INO80D: variants seen among roughly 807,000 people sequenced by gnomAD.
The protein encoded by INO80D is INO80 complex subunit D.
In INO80D, 21 loss-of-function variants were observed where a neutral mutation model predicts 87.6. The ratio of observed to expected loss-of-function variants is 0.24; its 90% CI spans 0.17 to 0.35. INO80D has a LOEUF of 0.35. Among genes scored for constraint, INO80D ranks in the 10% least tolerant of loss-of-function variants. The pLI is 1.00. For missense variants in INO80D, 982 were observed against 1,280.7 expected, an observed-to-expected ratio of 0.77 and a Z score of 3.56; for synonymous variants, 440 against 491.0, an observed-to-expected ratio of 0.90 and a Z score of 1.37.
At chr2:206,050,924 C>G (rs818004) in intron 4 of INO80D, among the ~76,000 whole-genome samples, 105,079 of 151,612 alleles carry the variant, frequency 0.69, 36,989 homozygotes, top group South Asian at 0.8. Flanking sequence ...AGCCGAGATC[C>G]CGCCACTGCA....
chr2:206,047,457 G>A (rs1689226969), intron 4 of INO80D, among the ~76,000 whole-genome samples: 1 of 151,918 alleles, frequency 6.6e-6, no homozygotes, highest in African/African-American at 2.4e-5. Context: ...GACCTTAAGT[G>A]ATCCACCTGC....
intron 5 of INO80D, among the ~76,000 whole-genome samples, chr2:206,032,413 T>A (rs1688793078): frequency 6.6e-6 from 1 of 152,154 alleles, no homozygotes; most frequent in Admixed American, 6.5e-5. Flanking sequence ...ACTGCCGGAT[T>A]TCCCCCACTT....
At chr2:206,018,545 C>A (rs1273416855) in intron 7 of INO80D, among the ~76,000 whole-genome samples, 3 of 152,126 alleles carry the variant, frequency 2.0e-5, no homozygotes, top group Non-Finnish European at 4.4e-5. Flanking sequence ...AGAAACTCAT[C>A]TTTCCAAATT....
chr2:206,036,805 A>AG (rs1688907354), intron 5 of INO80D, among the ~76,000 whole-genome samples: 1 of 152,226 alleles, frequency 6.6e-6, no homozygotes, highest in Non-Finnish European at 1.5e-5. Context: ...TTGGATGCTG[A>AG]GGCACGTTAC....
rs947555104 is a variant in INO80D at position 206,062,639 on chromosome 2, A to G, written c.218+160T>C. Among the ~76,000 whole-genome samples, 4 of 152,194 alleles carry G rather than the reference A, an allele frequency of 2.6e-5. No individual in the cohort carries two copies. The highest frequency in any genetic ancestry group is 4.4e-5 in the Non-Finnish European group (3 of 68,034). On this transcript the variant is annotated intron_variant, in intron 3 of 10. Transcript: ENST00000403263. The surrounding 1 kb of genome is among the most constrained non-coding windows in gnomAD (Gnocchi z 4.6). ...TATTTCATCTTTAAAAGTATTCCAT[A>G]GATTACTTAGATTACCCCCAGAATT...
At chr2:206,076,853 T>C (rs1407062751) in intron 1 of INO80D, among the ~76,000 whole-genome samples, 1 of 152,226 alleles carries the variant, frequency 6.6e-6, no homozygotes, top group South Asian at 2.1e-4. Context: ...GCAAGTTATT[T>C]AGGCTTCAGT....
In INO80D at chr2:206,001,320, C is replaced by G. The variant is rs997446963; in HGVS notation, c.*3048G>C. ...TCAGAGCACAGAATGTATCCATTAACTGCAGCAACTTTGTAAATTAAATCA... is the reference window on the plus strand; with the variant it reads ...TCAGAGCACAGAATGTATCCATTAAGTGCAGCAACTTTGTAAATTAAATCA... On this transcript the variant is annotated 3_prime_UTR_variant, in exon 11 of 11. Transcript: ENST00000403263. 11 of 152,182 alleles carry G rather than the reference C, an allele frequency of 7.2e-5. No individual in the cohort carries two copies. Among genetic ancestry groups the G allele is most frequent in the Non-Finnish European group, 1.5e-4 (10 of 68,034 alleles). 9.4% of individuals were successfully genotyped at this position (152,182 alleles called of 1,614,324 possible). A position where few individuals can be genotyped will look rare whatever the true frequency, so the allele number is the denominator to read the frequency against.
chr2:206,067,353 C>A (rs1196041701), intron 1 of INO80D, among the ~76,000 whole-genome samples: 2 of 151,764 alleles, frequency 1.3e-5, no homozygotes, highest in African/African-American at 4.8e-5. Flanking sequence ...TTAAAGGATA[C>A]AAAATTATGG....
intron 5 of INO80D, chr2:206,040,729 G>A: frequency 3.6e-6 from 1 of 277,862 alleles, no homozygotes; most frequent in Non-Finnish European, 7.6e-6. Flanking sequence ...CATCCACAAG[G>A]ATGTCTTCAG....
At chr2:206,073,342 T>C (rs180959455) in intron 1 of INO80D, among the ~76,000 whole-genome samples, 1 of 152,174 alleles carries the variant, frequency 6.6e-6, no homozygotes, top group Admixed American at 6.6e-5. Context: ...GCTGGCGTTT[T>C]TTACCCTGAT....
At chr2:206,080,943 T>G (rs1575900027) in intron 1 of INO80D, among the ~76,000 whole-genome samples, 1 of 150,418 alleles carries the variant, frequency 6.6e-6, no homozygotes, top group African/African-American at 2.5e-5. Context: ...TTAAAAATCT[T>G]TAGAAAAAAA....
At chr2:206,032,172 C>A (rs909843380) in intron 5 of INO80D, among the ~76,000 whole-genome samples, 6 of 152,142 alleles carry the variant, frequency 3.9e-5, no homozygotes, top group Non-Finnish European at 5.9e-5. Flanking sequence ...TTGAACCTGG[C>A]GAGAAGCCTC....
chr2:206,032,564 G>C (rs111776918), intron 5 of INO80D, among the ~76,000 whole-genome samples: 4,878 of 152,288 alleles, frequency 0.032, 94 homozygotes, highest in Non-Finnish European at 0.047. Context: ...TAAGAGCTGT[G>C]AGACAGAAGC....
chr2:206,009,910 G>T, intron 8 of INO80D, 116 bp from the exon 9 acceptor site: 1 of 741,706 alleles, frequency 1.3e-6, no homozygotes. Context: ...CATACTGGAT[G>T]CCCAAAACTA....
In INO80D at chr2:206,030,265, A is replaced by T. The variant is rs115962599; in HGVS notation, c.1074-1930T>A. Among the ~76,000 whole-genome samples the T allele has an allele frequency of 7.9e-3, 1,197 of 152,274 alleles. 19 individuals carry two copies. The highest frequency in any genetic ancestry group is 0.027 in the African/African-American group (1,123 of 41,560). ...AAGGTGGGCAGATCACCTGAGGTCA[A>T]GAGTTTGACCAACAACGCAAAACCC... On this transcript the variant is annotated intron_variant, in intron 5 of 10. Coordinates refer to ENST00000403263, the MANE Select transcript of INO80D (RefSeq NM_017759.5).
At chr2:206,040,074 C>G (rs1689003670) in intron 5 of INO80D, among the ~76,000 whole-genome samples, 1 of 151,832 alleles carries the variant, frequency 6.6e-6, no homozygotes. Context: ...AGGCAGATTA[C>G]TTGAGGTCAG....
chr2:206,085,234 A>G lies in INO80D; in HGVS notation c.-124+667T>C, dbSNP rs1690411640. 6.6e-6 allele frequency among the ~76,000 whole-genome samples: 1 copy of G among 151,606 alleles called. No individual in the cohort carries two copies. Among genetic ancestry groups the G allele is most frequent in the Non-Finnish European group, 1.5e-5 (1 of 67,822 alleles). ...CCTCACCGCCCCTCCACCCGACCCC[A>G]CGCCCGCCAGGCCGCCCGCCCCGCC... On this transcript the variant is annotated intron_variant, in intron 1 of 10. Coordinates refer to ENST00000403263, the MANE Select transcript of INO80D (RefSeq NM_017759.5). This position sits in a 1 kb window ranked among gnomAD's most constrained non-coding sequence, Gnocchi z 4.5.
At position 206,003,719 on chromosome 2, in the gene INO80D, G is replaced by C. The variant is rs1010804607; in HGVS notation, c.*649C>G. 2.1e-4 allele frequency: 32 copies of C among 154,410 alleles called. No individual in the cohort carries two copies. Among genetic ancestry groups the C allele is most frequent in the African/African-American group, 7.2e-4 (30 of 41,454 alleles). The allele number at this position is 154,410 out of a possible 1,614,324, so 9.6% of individuals were successfully genotyped here. On this transcript the variant is annotated 3_prime_UTR_variant, in exon 11 of 11. Coordinates refer to ENST00000403263, the MANE Select transcript of INO80D (RefSeq NM_017759.5). ...AGAGTTTTATACTCATTAAGTAGGG[G>C]GAAGGGGAGAACAAAAAAAAATCAA...
rs71863031 is a variant in INO80D at position 206,070,889 on chromosome 2, ATT to A, written c.-123-7647_-123-7646del. The stretch of plus-strand genomic sequence containing the variant: ...GTCTCTTGATTTTATAGGGGACTTG[ATT>A]TTTTTTTTTTTTTTTTTGCATGTTG... On this transcript the variant is annotated intron_variant, in intron 1 of 10. Transcript: ENST00000403263. Among the ~76,000 whole-genome samples the A allele has an allele frequency of 6.7e-3, 866 of 128,986 alleles. 12 individuals are homozygous for A. Among genetic ancestry groups the A allele is most frequent in the African/African-American group, 0.024 (794 of 33,722 alleles). The allele number at this position is 128,986 out of a possible 152,430, so 84.6% of individuals were successfully genotyped here.
Sources: gnomAD v4.1 joint callset for allele counts (sites outside exome capture counted in the v4.1 genomes callset) on GRCh38, gnomAD v4.1.1 for gene constraint, Gnocchi (gnomAD v3.1) non-coding constraint, MANE v1.5 for transcripts, NCBI Gene and HGNC (gene_info 2026-07-23, HGNC 2026-07-21) for gene names.